The following FBP1 variants were observed in gnomAD, a reference collection of about 807,000 sequenced individuals.
FBP1 encodes fructose-bisphosphatase 1, also known as fructose-1,6-bisphosphatase 1.
A neutral mutation model predicts 29.9 loss-of-function variants in FBP1; 22 were observed. The observed-to-expected ratio is 0.74, with a 90% confidence interval of 0.53 to 1.05. FBP1 has a LOEUF of 1.05. Among genes scored for constraint, FBP1 ranks in the 50% least tolerant of loss-of-function variants. The pLI, the probability that FBP1 is intolerant of heterozygous loss-of-function variation, is 0.00. For missense variants in FBP1, 345 were observed against 448.2 expected (o/e 0.77, Z 2.08); for synonymous variants, 175 against 178.6 (o/e 0.98, Z 0.16).
chr9:94,605,448 C>T lies in FBP1; in HGVS notation c.825+9G>A. The T allele has an allele frequency of 1.2e-6, 2 of 1,613,130 alleles. No homozygotes were observed. The highest frequency in any genetic ancestry group is 4.5e-5 in the East Asian group (2 of 44,890). ...TGCTCCTCACTCCCTCTCCAGGGGA[C>T]ACCCTTACCTTTCCATTGGGGCTCT... is the stretch of plus-strand genomic sequence containing the variant. On this transcript the variant is annotated intron_variant, in intron 6 of 6. Coordinates refer to ENST00000375326, the MANE Select transcript of FBP1 (RefSeq NM_000507.4).
In FBP1 at chr9:94,606,797, C is replaced by T. The variant is rs577155367; in HGVS notation, c.705+18G>A. 5.9e-5 allele frequency: 95 copies of T among 1,611,380 alleles called. 3 individuals are homozygous for T. The South Asian group carries it at 8.9e-4, about 15-fold the overall frequency. On this transcript the variant is annotated intron_variant, in intron 5 of 6. Transcript: ENST00000375326. ...AGATGCCCAGAACCTGCACCACCCT[C>T]CCCGGGCCCTCACTTACTGGGGGGA...
chr9:94,606,014 G>A (rs1014375899), intron 5 of FBP1, among the ~76,000 whole-genome samples: 4 of 152,262 alleles, frequency 2.6e-5, no homozygotes, highest in African/African-American at 7.2e-5. Context: ...TGGAGGAGGA[G>A]CCTGTGGGAC....
At chr9:94,627,187 T>C (rs1175847504) in intron 1 of FBP1, among the ~76,000 whole-genome samples, 5 of 99,860 alleles carry the variant, frequency 5.0e-5, no homozygotes, top group South Asian at 3.2e-4. Flanking sequence ...AAACTCCATC[T>C]CAAAAAAAAA....
At chr9:94,637,602 G>T (rs1463187868) in intron 1 of FBP1, among the ~76,000 whole-genome samples, 2 of 151,928 alleles carry the variant, frequency 1.3e-5, no homozygotes, top group Non-Finnish European at 2.9e-5. Context: ...TGTTGATCAG[G>T]TTGGTCTTGA....
At chr9:94,624,334 T>C in intron 1 of FBP1, among the ~76,000 whole-genome samples, 1 of 62,196 alleles carries the variant, frequency 1.6e-5, no homozygotes. Context: ...CGAGACTCCA[T>C]CTCAAAAAAA....
At position 94,606,794 on chromosome 9, in the gene FBP1, C is replaced by A. The variant is rs775896746; in HGVS notation, c.705+21G>T. ...GCCAGATGCCCAGAACCTGCACCACCCTCCCCGGGCCCTCACTTACTGGGG... is the reference window on the plus strand; with the variant it reads ...GCCAGATGCCCAGAACCTGCACCACACTCCCCGGGCCCTCACTTACTGGGG... On this transcript the variant is annotated intron_variant, in intron 5 of 6. Transcript: ENST00000375326. 5 of 1,610,754 alleles carry A rather than the reference C, an allele frequency of 3.1e-6. No individual in the cohort carries two copies. The Admixed American group carries it at 6.7e-5, about 22-fold the overall frequency.
intron 1 of FBP1, among the ~76,000 whole-genome samples, chr9:94,636,402 TG>T (rs1226343550): frequency 6.6e-6 from 1 of 151,968 alleles, no homozygotes; most frequent in Non-Finnish European, 1.5e-5. Context: ...CAATTCAGCC[TG>T]GGAGGTTGAG....
rs1827927887 is a variant in FBP1, at chr9:94,620,327, AC to A, written c.333+1del. 1 of 1,613,986 alleles carries A rather than the reference AC, an allele frequency of 6.2e-7. No homozygotes were observed. Among genetic ancestry groups the A allele is most frequent in the Non-Finnish European group, 8.5e-7 (1 of 1,179,966 alleles). On this transcript the variant is annotated splice_donor_variant, in intron 2 of 6. Coordinates refer to ENST00000375326, the MANE Select transcript of FBP1 (RefSeq NM_000507.4). LOFTEE classifies it high-confidence loss of function. ...CCCTCAATGGTGGAAGTACAGACCC[AC>A]CCTTTTCTCCGGTTCCACTATGATG...
intron 3 of FBP1, 52 bp downstream of exon 3, chr9:94,617,716 C>T (rs759588149): frequency 4.1e-5 from 49 of 1,198,612 alleles, no homozygotes; most frequent in Non-Finnish European, 5.7e-5. Context: ...GGACTGGATG[C>T]TCAATCTTAA....
intron 6 of FBP1, chr9:94,604,062 G>A (rs763151185): frequency 1.9e-5 from 4 of 207,756 alleles, no homozygotes; most frequent in East Asian, 1.1e-4. Context: ...TTCCTTTTAC[G>A]ATTCTCCGAA....
rs150009453 is a variant in FBP1, at chr9:94,605,361, C to T, written c.825+96G>A. ...ACACACGTAGCAACCTAGCATGGAG[C>T]GTAATAGCTAGCAAAACCTTTCTTC... On this transcript the variant is annotated intron_variant, in intron 6 of 6. Transcript: ENST00000375326. The T allele has an allele frequency of 3.7e-3, 4,894 of 1,320,328 alleles. 19 individuals are homozygous for T. Among genetic ancestry groups the T allele is most frequent in the Non-Finnish European group, 4.1e-3 (3,862 of 939,260 alleles). 81.8% of individuals were successfully genotyped at this position (1,320,328 alleles called of 1,614,324 possible). A position where few individuals can be genotyped will look rare whatever the true frequency, so the allele number is the denominator to read the frequency against.
At chr9:94,639,793 C>T (rs1011271119), upstream of FBP1, among the ~76,000 whole-genome samples, 2 of 152,122 alleles carry the variant, frequency 1.3e-5, no homozygotes, top group African/African-American at 4.8e-5. Flanking sequence ...TCGGACTCTG[C>T]CAGAGAGAAA....
intron 1 of FBP1, among the ~76,000 whole-genome samples, chr9:94,636,118 A>G (rs1828187444): frequency 6.6e-6 from 1 of 152,134 alleles, no homozygotes; most frequent in Non-Finnish European, 1.5e-5. Flanking sequence ...TGAATGGTTT[A>G]AATTTTTGTC....
chr9:94,623,451 C>G (rs1441533113), intron 1 of FBP1, among the ~76,000 whole-genome samples: 2 of 152,210 alleles, frequency 1.3e-5, no homozygotes, highest in Admixed American at 1.3e-4. Flanking sequence ...AGTCTGCCCC[C>G]ACGCGGCTGT....
chr9:94,631,044 A>G (rs1828098149), intron 1 of FBP1, among the ~76,000 whole-genome samples: 1 of 152,222 alleles, frequency 6.6e-6, no homozygotes, highest in African/African-American at 2.4e-5. Context: ...AGAAGAAAAA[A>G]GTGCTCCAAG....
chr9:94,617,932 G>T (rs1375042003), intron 2 of FBP1, 72 bp from the exon 3 acceptor site: 5 of 1,159,002 alleles, frequency 4.3e-6, no homozygotes, highest in Non-Finnish European at 6.4e-6. Context: ...TACATTAGGG[G>T]CTAAGAATGG....
chr9:94,606,431 G>C (rs1333123627), intron 5 of FBP1, among the ~76,000 whole-genome samples: 1 of 152,178 alleles, frequency 6.6e-6, no homozygotes, highest in Non-Finnish European at 1.5e-5. Context: ...CCCCAGAAGG[G>C]AAGATGTTTT....
intron 3 of FBP1, among the ~76,000 whole-genome samples, chr9:94,615,391 G>C (rs994005490): frequency 6.6e-6 from 1 of 151,938 alleles, no homozygotes; most frequent in East Asian, 1.9e-4. Flanking sequence ...GTATTATTTG[G>C]GGGGACTGAG....
intron 1 of FBP1, among the ~76,000 whole-genome samples, chr9:94,620,693 C>T (rs1827933685): frequency 6.6e-6 from 1 of 152,124 alleles, no homozygotes. Flanking sequence ...TGTTCTCACT[C>T]ATAAATGGGA....
Sources: gnomAD v4.1 joint callset for allele counts (sites outside exome capture counted in the v4.1 genomes callset) on GRCh38, gnomAD v4.1.1 for gene constraint, MANE v1.5 for transcripts, NCBI Gene and HGNC (gene_info 2026-07-23, HGNC 2026-07-21) for gene names.